Variants in CUBN observed in about 807,000 individuals in gnomAD.
CUBN encodes 460 kDa receptor.
Under a neutral mutation model 405.3 loss-of-function variants are expected in CUBN, and 282 were observed. That is an observed-to-expected ratio of 0.70 (90% CI 0.63 to 0.77). CUBN has a LOEUF of 0.77. Among genes scored for constraint, CUBN ranks in the 30% least tolerant of loss-of-function variants. The pLI is 0.00. For synonymous variants in CUBN, 1,684 were observed against 1,617.0 expected (o/e 1.04, Z -0.99); for missense variants, 4,514 against 4,475.2 (o/e 1.01, Z -0.25).
intron 39 of CUBN, 41 bp downstream of exon 39, chr10:16,937,551 A>G (rs769917430): frequency 8.4e-6 from 13 of 1,554,354 alleles, no homozygotes; most frequent in African/African-American, 1.4e-5. Flanking sequence ...TGGCCTGCAC[A>G]TATCAGTCCT....
At chr10:16,986,481 C>T (rs1312439847) in intron 29 of CUBN, among the ~76,000 whole-genome samples, 2 of 152,092 alleles carry the variant, frequency 1.3e-5, no homozygotes, top group Non-Finnish European at 2.9e-5. Context: ...CCCAGCCATC[C>T]GGTAAAGGCC....
At chr10:16,931,217 T>C (rs1248001392) in intron 40 of CUBN, among the ~76,000 whole-genome samples, 2 of 150,180 alleles carry the variant, frequency 1.3e-5, no homozygotes, top group Non-Finnish European at 1.5e-5. Context: ...TGAGCCAAGA[T>C]AGCGCCACTG....
intron 10 of CUBN, among the ~76,000 whole-genome samples, chr10:17,107,584 G>A (rs1020791373): frequency 1.4e-5 from 2 of 141,694 alleles, no homozygotes; most frequent in Non-Finnish European, 3.0e-5. Flanking sequence ...TGTAAGCTCC[G>A]CCTCCCGGGT....
At chr10:16,863,927 C>A (rs1273664256) in intron 59 of CUBN, among the ~76,000 whole-genome samples, 1 of 152,092 alleles carries the variant, frequency 6.6e-6, no homozygotes, top group South Asian at 2.1e-4. Context: ...CACAGATGAC[C>A]TAAATATTGA....
intron 59 of CUBN, among the ~76,000 whole-genome samples, chr10:16,862,121 C>A (rs1163753602): frequency 2.0e-5 from 3 of 150,836 alleles, no homozygotes; most frequent in Non-Finnish European, 4.4e-5. Flanking sequence ...TGCACTCCAG[C>A]CTGGCAACAG....
rs549493290 is a variant in CUBN at position 17,095,483 on chromosome 10, G to A, written c.1765+4522C>T. 5.9e-5 allele frequency among the ~76,000 whole-genome samples: 9 copies of A among 152,074 alleles called. No homozygotes were observed. The South Asian group carries it at 1.0e-3, about 18-fold the overall frequency. On this transcript the variant is annotated intron_variant, in intron 14 of 66. Coordinates refer to ENST00000377833, the MANE Select transcript of CUBN (RefSeq NM_001081.4). The stretch of plus-strand genomic sequence containing the variant: ...TTTCTGAATAGAAAACATATAAATG[G>A]TCAACAAATATATGAGAAAATGCTC...
At chr10:17,068,942 C>T (rs2131845936) in intron 19 of CUBN, among the ~76,000 whole-genome samples, 172 bp from the exon 20 acceptor site, 1 of 152,324 alleles carries the variant, frequency 6.6e-6, no homozygotes. Flanking sequence ...TTAGCAGTCA[C>T]TCCTCATTCC....
Position 17,052,051 on chromosome 10 carries a change from G to GA in CUBN, c.3140-4449_3140-4448insT, listed in dbSNP as rs374902006. Among the ~76,000 whole-genome samples the GA allele has an allele frequency of 3.2e-4, 48 of 152,182 alleles. No individual in the cohort carries two copies. In the South Asian group the frequency reaches 4.6e-3, roughly 14 times the overall value. On this transcript the variant is annotated intron_variant, in intron 22 of 66. Transcript: ENST00000377833. ...GAAAACACAGAAGCCAGTTGGGGCG[G>GA]GGGGGAAGCCACATCACATACAGGG...
rs141773881 is a variant in CUBN at position 16,899,123 on chromosome 10, T to C, written c.8471A>G (p.Asn2824Ser). Residue 2824 changes from asparagine to serine, a missense_variant, in exon 54 of 67, where the codon AAT (asparagine) becomes AGT (serine). Around this residue, in one of 5 missense-constraint regions of CUBN, gnomAD observed 1,186 missense variants for 1,186.9 expected, o/e 1.00. Coordinates refer to ENST00000377833, the MANE Select transcript of CUBN (RefSeq NM_001081.4). ...GTIRSPHWPQ[N>S]FPENSRCSWT... ...GGAACATCTGCTGTTTTCGGGAAAA[T>C]TCTGAGGCCAGTGAGGGGATCTGAT... 9 of 1,613,944 alleles carry C rather than the reference T, an allele frequency of 5.6e-6. No homozygotes were observed. The highest frequency in any genetic ancestry group is 5.3e-5 in the African/African-American group (4 of 74,922).
At chr10:16,901,958 T>TAC (rs1564413123) in intron 51 of CUBN, among the ~76,000 whole-genome samples, 1 of 137,188 alleles carries the variant, frequency 7.3e-6, no homozygotes, top group African/African-American at 2.7e-5. Context: ...TATATATATA[T>TAC]ACACCATATA....
At chr10:17,077,584 T>TA (rs1399260637) in intron 17 of CUBN, among the ~76,000 whole-genome samples, 3 of 152,230 alleles carry the variant, frequency 2.0e-5, no homozygotes, top group Admixed American at 1.3e-4. Flanking sequence ...TGCTGGCACT[T>TA]ACGCTTAGTC....
intron 13 of CUBN, among the ~76,000 whole-genome samples, chr10:17,101,675 A>G (rs1425818649): frequency 6.6e-6 from 1 of 152,168 alleles, no homozygotes; most frequent in African/African-American, 2.4e-5. Context: ...AATGTCGGGT[A>G]TAAGAGCACT....
At chr10:16,897,262 G>A (rs1841211520) in intron 54 of CUBN, among the ~76,000 whole-genome samples, 1 of 152,056 alleles carries the variant, frequency 6.6e-6, no homozygotes, top group Non-Finnish European at 1.5e-5. Context: ...AGGGAACTTT[G>A]GGTCCTATTC....
intron 50 of CUBN, among the ~76,000 whole-genome samples, chr10:16,904,594 C>G (rs1037074363): frequency 2.6e-5 from 4 of 152,204 alleles, no homozygotes; most frequent in African/African-American, 4.8e-5. Flanking sequence ...GCTGTCAGAT[C>G]TGAGCCTAAT....
chr10:16,876,325 A>G (rs1469999414), intron 57 of CUBN, among the ~76,000 whole-genome samples: 1 of 152,220 alleles, frequency 6.6e-6, no homozygotes, highest in African/African-American at 2.4e-5. Context: ...TTTTCTGGGT[A>G]GCAACAAATG....
intron 14 of CUBN, among the ~76,000 whole-genome samples, chr10:17,091,859 G>C (rs1276624321): frequency 1.3e-5 from 2 of 152,202 alleles, no homozygotes; most frequent in African/African-American, 4.8e-5. Flanking sequence ...GATGTGGGAT[G>C]ATCTACAGAA....
chr10:16,980,083 G>GA (rs964126989), intron 31 of CUBN, among the ~76,000 whole-genome samples: 2 of 151,110 alleles, frequency 1.3e-5, no homozygotes, highest in Admixed American at 6.6e-5. Context: ...ACAAACATAT[G>GA]AAAAAAAAAG....
chr10:17,004,225 A>T (rs1428794777), intron 28 of CUBN, among the ~76,000 whole-genome samples: 1 of 152,204 alleles, frequency 6.6e-6, no homozygotes, highest in Non-Finnish European at 1.5e-5. Context: ...CACTTCTGTT[A>T]GTTTTCTACA....
intron 28 of CUBN, among the ~76,000 whole-genome samples, chr10:16,998,885 C>T (rs138901605): frequency 5.1e-4 from 77 of 152,268 alleles, no homozygotes; most frequent in African/African-American, 1.6e-3. Flanking sequence ...TAAGTCATAA[C>T]GATTTTTAGT....
Sources: allele counts gnomAD v4.1 joint callset (sites outside exome capture counted in the v4.1 genomes callset), GRCh38; gene constraint gnomAD v4.1.1; regional missense constraint gnomAD v4.1.1; transcripts MANE v1.5; gene names NCBI Gene and HGNC (gene_info 2026-07-23, HGNC 2026-07-21).